UVSSA: variants seen among roughly 807,000 people sequenced by gnomAD.
UVSSA encodes UV stimulated scaffold protein A.
In UVSSA, 72 loss-of-function variants were observed where a neutral mutation model predicts 73.9. The ratio of observed to expected loss-of-function variants is 0.97; its 90% CI spans 0.81 to 1.19. The LOEUF is 1.19. Ranked by LOEUF, UVSSA falls within the 50% of genes most tolerant of loss-of-function variation. The pLI, the probability that UVSSA is intolerant of heterozygous loss-of-function variation, is 0.00. For synonymous variants in UVSSA, 454 were observed against 391.3 expected (o/e 1.16, Z -1.89); for missense variants, 1,150 against 965.0 (o/e 1.19, Z -2.54).
At chr4:1,383,656 C>A in intron 12 of UVSSA, 110 bp from the exon 13 acceptor site, 2 of 1,386,464 alleles carry the variant, frequency 1.4e-6, no homozygotes, top group Non-Finnish European at 2.0e-6. Flanking sequence ...GTGGGCAAGG[C>A]GACCCAGCCC....
Position 1,380,711 on chromosome 4 carries a change from C to T in UVSSA, c.1753-169C>T, listed in dbSNP as rs763746991. 17 of 1,545,492 alleles carry T rather than the reference C, an allele frequency of 1.1e-5. No homozygotes were observed. In the South Asian group the frequency reaches 2.0e-4, roughly 19 times the overall value. On this transcript the variant is annotated intron_variant, in intron 11 of 13. Transcript: ENST00000389851. ...GAGCCATCCCCACGTCCCTGTGGCT[C>T]TCAGGACGCCCTCCTCTGAGGGGCG...
intron 10 of UVSSA, among the ~76,000 whole-genome samples, chr4:1,377,606 G>A (rs1271898342): frequency 5.9e-5 from 9 of 152,154 alleles, no homozygotes; most frequent in East Asian, 3.9e-4. Flanking sequence ...GCGGATGCCC[G>A]TCCCTCCTCC....
intron 4 of UVSSA, among the ~76,000 whole-genome samples, chr4:1,352,750 A>G (rs1348319428): frequency 1.6e-4 from 24 of 152,238 alleles, no homozygotes; most frequent in Admixed American, 6.5e-5. Flanking sequence ...CCAGGAGTTT[A>G]AAGCCAGCCT....
chr4:1,394,458 A>G (rs2109335812), exon 14 of UVSSA: 2 of 1,608,082 alleles, frequency 1.2e-6, no homozygotes, highest in South Asian at 2.2e-5. Context: ...AATGTGAGCC[A>G]GGAAACCCAG....
chr4:1,378,120 T>G (rs1718995532), intron 10 of UVSSA, among the ~76,000 whole-genome samples: 2 of 152,164 alleles, frequency 1.3e-5, no homozygotes, highest in Non-Finnish European at 2.9e-5. Context: ...GAGCCTGGGC[T>G]CGCCCCTTTC....
At chr4:1,357,252 G>A (rs1424874740) in intron 7 of UVSSA, among the ~76,000 whole-genome samples, 1 of 152,022 alleles carries the variant, frequency 6.6e-6, no homozygotes, top group Non-Finnish European at 1.5e-5. Context: ...AGGGTCCACA[G>A]AGCAGAGGGG....
chr4:1,383,077 G>A (rs1719693273), intron 12 of UVSSA, among the ~76,000 whole-genome samples: 1 of 152,222 alleles, frequency 6.6e-6, no homozygotes, highest in Non-Finnish European at 1.5e-5. Context: ...TGCACGGTGG[G>A]TACTCTCAGC....
chr4:1,352,879 A>T, intron 4 of UVSSA, 151 bp from the exon 5 acceptor site: 1 of 1,102,618 alleles, frequency 9.1e-7, no homozygotes, highest in Non-Finnish European at 1.3e-6. Flanking sequence ...TGGAAGGTCG[A>T]GGCTGGGGTG....
At chr4:1,379,058 C>T (rs1327177325) in intron 10 of UVSSA, among the ~76,000 whole-genome samples, 3 of 150,792 alleles carry the variant, frequency 2.0e-5, no homozygotes, top group Admixed American at 1.3e-4. Flanking sequence ...GTGCTCCTGT[C>T]TGTGGACCTG....
intron 3 of UVSSA, among the ~76,000 whole-genome samples, chr4:1,351,420 C>T (rs1280083769): frequency 7.6e-6 from 1 of 132,072 alleles, no homozygotes; most frequent in African/African-American, 2.9e-5. Flanking sequence ...GAGTCTCGCT[C>T]TGTCGCCCAG....
At position 1,360,135 on chromosome 4, in the gene UVSSA, G is replaced by C. The variant is rs547924216; in HGVS notation, c.1176+4890G>C. Reference sequence around the variant, plus strand: ...GATGGGGCCCCTCCATCACGCCGAAGGCCAAGCCGCTGTGTGCGCCACCGC... The same window carrying C: ...GATGGGGCCCCTCCATCACGCCGAACGCCAAGCCGCTGTGTGCGCCACCGC... On this transcript the variant is annotated intron_variant, in intron 7 of 13. Transcript: ENST00000389851. Among the ~76,000 whole-genome samples, 21 of 152,324 alleles carry C rather than the reference G, an allele frequency of 1.4e-4. No homozygotes were observed. In the South Asian group the frequency reaches 4.1e-3, roughly 30 times the overall value.
intron 7 of UVSSA, among the ~76,000 whole-genome samples, chr4:1,360,547 C>T (rs1015147991): frequency 1.3e-5 from 2 of 152,208 alleles, no homozygotes; most frequent in Non-Finnish European, 2.9e-5. Context: ...GCCTGACAAA[C>T]CCGTGCTATG....
At chr4:1,369,655 C>T (rs920821118) in intron 8 of UVSSA, among the ~76,000 whole-genome samples, 3 of 152,208 alleles carry the variant, frequency 2.0e-5, no homozygotes, top group Admixed American at 6.5e-5. Flanking sequence ...GCCAGCTGAA[C>T]TAGGTAAAAT....
chr4:1,356,171 C>T (rs1715711084), intron 7 of UVSSA, among the ~76,000 whole-genome samples: 1 of 152,086 alleles, frequency 6.6e-6, no homozygotes, highest in East Asian at 1.9e-4. Context: ...GAGATGGTGG[C>T]CTTTTGGCTC....
downstream of UVSSA, chr4:1,388,662 G>T (rs1720324917): frequency 6.6e-6 from 1 of 152,188 alleles, no homozygotes; most frequent in Non-Finnish European, 1.5e-5. Context: ...GAGTGTTTTT[G>T]TCATAAAGTA....
In UVSSA at chr4:1,386,665, C is replaced by G. The variant is rs955307910; in HGVS notation, c.*704C>G. 2.0e-5 allele frequency: 3 copies of G among 152,162 alleles called. No homozygotes were observed. Among genetic ancestry groups the G allele is most frequent in the Admixed American group, 6.6e-5 (1 of 15,266 alleles). 9.4% of individuals were successfully genotyped at this position (152,162 alleles called of 1,614,324 possible). On this transcript the variant is annotated 3_prime_UTR_variant, in exon 14 of 14. Transcript: ENST00000389851. ...TATCTCCTTTGGAGAGGAGTCTATT[C>G]AAACCTCTTGCCTATTTTTAATTGA...
At chr4:1,391,391 C>T (rs1160619996), downstream of UVSSA, 1 of 152,230 alleles carries the variant, frequency 6.6e-6, no homozygotes, top group Admixed American at 6.5e-5. Context: ...CCTTATTGAT[C>T]TTCTGCCCAG....
intron 3 of UVSSA, among the ~76,000 whole-genome samples, chr4:1,351,257 G>T (rs548974174): frequency 6.6e-6 from 1 of 152,030 alleles, no homozygotes; most frequent in South Asian, 2.1e-4. Flanking sequence ...GTAGAGATGG[G>T]ATTTCACCGT....
Position 1,347,730 on chromosome 4 carries a change from G to A in UVSSA, c.-33G>A, listed in dbSNP as rs980525095. 4.8e-6 allele frequency: 1 copy of A among 206,982 alleles called. No homozygotes were observed. The highest frequency in any genetic ancestry group is 1.0e-5 in the Non-Finnish European group (1 of 100,486). 12.8% of individuals were successfully genotyped at this position (206,982 alleles called of 1,614,324 possible). A position where few individuals can be genotyped will look rare whatever the true frequency, so the allele number is the denominator to read the frequency against. The stretch of plus-strand genomic sequence containing the variant: ...TTCTTGGCTCCTCTTGGCCTCTGCA[G>A]CCTTGCTGGAGGCTGCCCTGCGGAA... On this transcript the variant is annotated 5_prime_UTR_variant, in exon 1 of 14. Coordinates refer to ENST00000389851, the MANE Select transcript of UVSSA (RefSeq NM_020894.4).
Sources: gnomAD v4.1 joint callset for allele counts (sites outside exome capture counted in the v4.1 genomes callset) on GRCh38, gnomAD v4.1.1 for gene constraint, MANE v1.5 for transcripts, NCBI Gene and HGNC (gene_info 2026-07-23, HGNC 2026-07-21) for gene names.